CAMKMT: variants seen among roughly 807,000 people sequenced by gnomAD.
The protein encoded by CAMKMT is calmodulin-lysine N-methyltransferase, also known as CaM KMT.
A neutral mutation model predicts 48.0 loss-of-function variants in CAMKMT; 53 were observed. The ratio of observed to expected loss-of-function variants is 1.10; its 90% CI spans 0.89 to 1.39. The LOEUF is 1.39. CAMKMT is among the 40% of genes most tolerant of loss of function. The pLI is 0.00. For synonymous variants in CAMKMT, 165 were observed against 152.3 expected (o/e 1.08, Z -0.61); for missense variants, 428 against 402.7 (o/e 1.06, Z -0.54).
At chr2:44,459,988 A>G (rs1024983088) in intron 3 of CAMKMT, among the ~76,000 whole-genome samples, 4 of 152,224 alleles carry the variant, frequency 2.6e-5, no homozygotes, top group African/African-American at 9.7e-5. Context: ...CTGGAGGACC[A>G]TTAAGCTCTG....
At chr2:44,673,471 G>GAGGAGGGA (rs1675461626) in intron 3 of CAMKMT, among the ~76,000 whole-genome samples, 3 of 116,844 alleles carry the variant, frequency 2.6e-5, no homozygotes, top group Admixed American at 9.1e-5. Flanking sequence ...GAAAGAGAGA[G>GAGGAGGGA]AGGAAGGAAG....
chr2:44,713,993 T>G (rs985981382), intron 6 of CAMKMT, among the ~76,000 whole-genome samples: 1 of 152,194 alleles, frequency 6.6e-6, no homozygotes, highest in Non-Finnish European at 1.5e-5. Context: ...TATTTCTTGT[T>G]TATGTAAACC....
intron 1 of CAMKMT, among the ~76,000 whole-genome samples, chr2:44,364,349 A>G (rs1678368860): frequency 6.6e-6 from 1 of 152,076 alleles, no homozygotes; most frequent in South Asian, 2.1e-4. Context: ...CATTCTTCAC[A>G]CTTCCATTTC....
intron 2 of CAMKMT, among the ~76,000 whole-genome samples, chr2:44,380,694 T>C (rs1380913702): frequency 2.0e-5 from 3 of 152,252 alleles, no homozygotes; most frequent in African/African-American, 7.2e-5. Flanking sequence ...ATAGTGATTA[T>C]TAACATTATT....
chr2:44,489,827 A>G (rs184019541), intron 3 of CAMKMT, among the ~76,000 whole-genome samples: 2 of 152,334 alleles, frequency 1.3e-5, no homozygotes, highest in African/African-American at 4.8e-5. Flanking sequence ...CAGTGTTTTT[A>G]TGTCTTATCC....
At chr2:44,372,140 A>G (rs901594329) in intron 1 of CAMKMT, among the ~76,000 whole-genome samples, 1 of 152,120 alleles carries the variant, frequency 6.6e-6, no homozygotes, top group African/African-American at 2.4e-5. Context: ...CCCAGGAGAA[A>G]AGTGGTTGCA....
chr2:44,581,885 G>T (rs982248324), intron 3 of CAMKMT, among the ~76,000 whole-genome samples: 1 of 152,210 alleles, frequency 6.6e-6, no homozygotes, highest in African/African-American at 2.4e-5. Context: ...TGTAGTCCCA[G>T]CTATTTGGGA....
chr2:44,554,420 C>A (rs1667897669), intron 3 of CAMKMT, among the ~76,000 whole-genome samples: 1 of 152,112 alleles, frequency 6.6e-6, no homozygotes, highest in Admixed American at 6.5e-5. Flanking sequence ...TTTCATACAG[C>A]CCTTAGAACA....
At chr2:44,630,728 A>C (rs954409273) in intron 3 of CAMKMT, among the ~76,000 whole-genome samples, 3 of 150,724 alleles carry the variant, frequency 2.0e-5, no homozygotes, top group African/African-American at 7.3e-5. Flanking sequence ...AATGGCAATC[A>C]TTAAAAAGTC....
chr2:44,551,447 C>G (rs1667712021), intron 3 of CAMKMT, among the ~76,000 whole-genome samples: 1 of 152,122 alleles, frequency 6.6e-6, no homozygotes, highest in Non-Finnish European at 1.5e-5. Flanking sequence ...TTGAAACTCC[C>G]TGGAGTTTTA....
intron 3 of CAMKMT, among the ~76,000 whole-genome samples, chr2:44,427,241 T>C (rs1166986460): frequency 6.6e-6 from 1 of 152,204 alleles, no homozygotes; most frequent in Non-Finnish European, 1.5e-5. Context: ...CTTCTGGACA[T>C]TGGCCTAGGC....
intron 3 of CAMKMT, among the ~76,000 whole-genome samples, chr2:44,421,801 C>A (rs1050199625): frequency 6.6e-6 from 1 of 152,130 alleles, no homozygotes; most frequent in African/African-American, 2.4e-5. Context: ...ATTTAGGAAT[C>A]TTTTAATCTC....
At chr2:44,614,960 T>TTC (rs1671802323) in intron 3 of CAMKMT, among the ~76,000 whole-genome samples, 1 of 140,014 alleles carries the variant, frequency 7.1e-6, no homozygotes, top group African/African-American at 2.7e-5. Flanking sequence ...TTTTTTTTTT[T>TTC]GAGACAGGGT....
chr2:44,701,112 G>A (rs1437582874), intron 3 of CAMKMT, among the ~76,000 whole-genome samples: 1 of 152,134 alleles, frequency 6.6e-6, no homozygotes. Context: ...TCGTGTACAA[G>A]TTTTTGTTGG....
chr2:44,666,905 G>A (rs1015333892), intron 3 of CAMKMT, among the ~76,000 whole-genome samples: 2 of 152,190 alleles, frequency 1.3e-5, no homozygotes, highest in African/African-American at 4.8e-5. Flanking sequence ...ACCACGCCCA[G>A]CTATGTTCTT....
At chr2:44,441,049 C>T (rs1666626055) in intron 3 of CAMKMT, among the ~76,000 whole-genome samples, 1 of 152,154 alleles carries the variant, frequency 6.6e-6, no homozygotes, top group Admixed American at 6.5e-5. Flanking sequence ...TGGGGGAATT[C>T]ACCTATTAAA....
chr2:44,455,239 G>C (rs1346355399), intron 3 of CAMKMT, among the ~76,000 whole-genome samples: 1 of 152,184 alleles, frequency 6.6e-6, no homozygotes, highest in Non-Finnish European at 1.5e-5. Context: ...ACGAAGCCTA[G>C]AGATAGATTT....
chr2:44,650,683 C>T (rs1406938657), intron 3 of CAMKMT, among the ~76,000 whole-genome samples: 5 of 151,906 alleles, frequency 3.3e-5, no homozygotes, highest in Non-Finnish European at 5.9e-5. Context: ...TTTAAAAATC[C>T]AGACTATACT....
intron 3 of CAMKMT, among the ~76,000 whole-genome samples, chr2:44,543,152 G>A (rs1003678187): frequency 6.6e-6 from 1 of 152,074 alleles, no homozygotes; most frequent in Non-Finnish European, 1.5e-5. Flanking sequence ...AGCAACTGGG[G>A]CACACTTTCT....
Sources: allele counts gnomAD v4.1 joint callset (sites outside exome capture counted in the v4.1 genomes callset), GRCh38; gene constraint gnomAD v4.1.1; transcripts MANE v1.5; gene names NCBI Gene and HGNC (gene_info 2026-07-23, HGNC 2026-07-21).